Variants in PRIMA1 observed in about 807,000 individuals in gnomAD.
The protein encoded by PRIMA1 is proline-rich membrane anchor 1.
PRIMA1 carries 7 observed loss-of-function variants against 17.5 expected under a neutral mutation model. That is an observed-to-expected ratio of 0.40 (90% CI 0.23 to 0.75). The LOEUF (loss-of-function observed/expected upper bound fraction) is 0.75, where lower values mean the gene tolerates loss of function less well. PRIMA1 is among the 30% of genes least tolerant of loss of function. PRIMA1 has a pLI of 0.37. For synonymous variants in PRIMA1, 97 were observed against 77.9 expected (o/e 1.25, Z -1.29); for missense variants, 200 against 201.8 (o/e 0.99, Z 0.05).
chr14:93,743,509 CTGA>C (rs2076196762), intron 3 of PRIMA1, among the ~76,000 whole-genome samples: 3 of 152,258 alleles, frequency 2.0e-5, no homozygotes, highest in Non-Finnish European at 4.4e-5. Flanking sequence ...GTCACAACCG[CTGA>C]CAATGCAGTC....
chr14:93,788,658 G>C (rs1364008787), upstream of PRIMA1, among the ~76,000 whole-genome samples: 1 of 152,138 alleles, frequency 6.6e-6, no homozygotes, highest in Non-Finnish European at 1.5e-5. Context: ...GGCCTCCCGG[G>C]CCGCTGAGCA....
intron 3 of PRIMA1, among the ~76,000 whole-genome samples, chr14:93,759,093 T>C (rs2076310245): frequency 6.6e-6 from 1 of 151,878 alleles, no homozygotes; most frequent in South Asian, 2.1e-4. Context: ...GCAACGGGGG[T>C]CACTGAATTT....
intron 3 of PRIMA1, among the ~76,000 whole-genome samples, chr14:93,756,662 C>T (rs1402636542): frequency 2.6e-5 from 4 of 152,186 alleles, no homozygotes; most frequent in Non-Finnish European, 5.9e-5. Context: ...CCCCCAGCCC[C>T]CTGACTTCCA....
chr14:93,734,996 G>A (rs979482577), intron 4 of PRIMA1, among the ~76,000 whole-genome samples: 2 of 152,176 alleles, frequency 1.3e-5, no homozygotes, highest in African/African-American at 4.8e-5. Flanking sequence ...GCCCTAGTGA[G>A]CTATTAATGT....
At chr14:93,766,455 A>T (rs1884894946) in intron 3 of PRIMA1, among the ~76,000 whole-genome samples, 1 of 152,214 alleles carries the variant, frequency 6.6e-6, no homozygotes, top group African/African-American at 2.4e-5. Flanking sequence ...AAGAGCCAGC[A>T]TCAGGTGATA....
intron 3 of PRIMA1, among the ~76,000 whole-genome samples, chr14:93,769,165 A>C (rs1884980409): frequency 6.6e-6 from 1 of 152,176 alleles, no homozygotes; most frequent in Non-Finnish European, 1.5e-5. Flanking sequence ...CCATTTTATG[A>C]ATGAGGAAGC....
At chr14:93,778,865 G>C (rs1258653100) in intron 3 of PRIMA1, among the ~76,000 whole-genome samples, 2 of 152,122 alleles carry the variant, frequency 1.3e-5, no homozygotes, top group Admixed American at 6.5e-5. Context: ...GGCTATTTAA[G>C]ACCAGTCCCC....
At chr14:93,787,114 A>G (rs1336399830) in intron 2 of PRIMA1, among the ~76,000 whole-genome samples, 1 of 152,152 alleles carries the variant, frequency 6.6e-6, no homozygotes, top group Non-Finnish European at 1.5e-5. Flanking sequence ...CCTGGGATTT[A>G]AGGGACCCAG....
chr14:93,783,473 A>G (rs1398229766), intron 2 of PRIMA1, among the ~76,000 whole-genome samples: 1 of 152,046 alleles, frequency 6.6e-6, no homozygotes, highest in Non-Finnish European at 1.5e-5. Context: ...AGACCAATAG[A>G]GAGGAAGCCT....
intron 3 of PRIMA1, among the ~76,000 whole-genome samples, chr14:93,750,835 A>G (rs1211349683): frequency 6.6e-6 from 1 of 152,098 alleles, no homozygotes; most frequent in East Asian, 1.9e-4. Context: ...CAAATGTCAC[A>G]CCAAGGCCTA....
chr14:93,779,391 C>G, intron 2 of PRIMA1, 80 bp from the exon 3 acceptor site: 2 of 1,235,658 alleles, frequency 1.6e-6, no homozygotes, highest in South Asian at 3.0e-5. Flanking sequence ...CAGGCCACCC[C>G]GTCCCCTGCC....
chr14:93,760,417 G>A (rs906020571), intron 3 of PRIMA1, among the ~76,000 whole-genome samples: 2 of 152,034 alleles, frequency 1.3e-5, no homozygotes, highest in African/African-American at 4.8e-5. Flanking sequence ...ACCCGTCTTC[G>A]TGAATGCCAT....
intron 4 of PRIMA1, among the ~76,000 whole-genome samples, chr14:93,721,934 G>C (rs1273158633): frequency 6.6e-6 from 1 of 152,264 alleles, no homozygotes; most frequent in Non-Finnish European, 1.5e-5. Context: ...GAAGAGAAGT[G>C]CTAGGGGTTG....
At chr14:93,725,104 G>A (rs968624437) in intron 4 of PRIMA1, among the ~76,000 whole-genome samples, 2 of 151,384 alleles carry the variant, frequency 1.3e-5, no homozygotes, top group Non-Finnish European at 3.0e-5. Context: ...ACCCTGGAAG[G>A]CAGGGTGAGG....
intron 3 of PRIMA1, among the ~76,000 whole-genome samples, chr14:93,754,627 G>A (rs938998237): frequency 2.0e-5 from 3 of 152,146 alleles, no homozygotes; most frequent in Non-Finnish European, 2.9e-5. Context: ...TAAACTTCTC[G>A]GCAAGGGAGA....
intron 4 of PRIMA1, among the ~76,000 whole-genome samples, chr14:93,725,355 A>G (rs894034374): frequency 1.3e-5 from 2 of 152,076 alleles, no homozygotes; most frequent in African/African-American, 4.8e-5. Context: ...TGAGTCCCCA[A>G]CCACTCTCCT....
chr14:93,723,443 T>C (rs932058257), intron 4 of PRIMA1, among the ~76,000 whole-genome samples: 3 of 152,174 alleles, frequency 2.0e-5, no homozygotes, highest in Admixed American at 1.3e-4. Context: ...AGGCAGGGTC[T>C]GTGAGGGGAT....
intron 3 of PRIMA1, among the ~76,000 whole-genome samples, chr14:93,752,013 C>T (rs1433859114): frequency 6.6e-6 from 1 of 152,198 alleles, no homozygotes; most frequent in East Asian, 1.9e-4. Flanking sequence ...AGACCTAGAT[C>T]ATTTCCACCA....
intron 3 of PRIMA1, among the ~76,000 whole-genome samples, chr14:93,746,506 G>A (rs1566968493): frequency 6.6e-6 from 1 of 152,118 alleles, no homozygotes; most frequent in African/African-American, 2.4e-5. Flanking sequence ...GCAGGAAGGA[G>A]GCCAGTGTGG....
Sources: gnomAD v4.1 joint callset for allele counts (sites outside exome capture counted in the v4.1 genomes callset) on GRCh38, gnomAD v4.1.1 for gene constraint, MANE v1.5 for transcripts, NCBI Gene and HGNC (gene_info 2026-07-23, HGNC 2026-07-21) for gene names.